SORCS3: variants seen among roughly 807,000 people sequenced by gnomAD.
The protein encoded by SORCS3 is VPS10 domain-containing receptor SorCS3.
In SORCS3, 57 loss-of-function variants were observed where a neutral mutation model predicts 146.3. That is an observed-to-expected ratio of 0.39 (90% CI 0.31 to 0.49). The LOEUF (loss-of-function observed/expected upper bound fraction) is 0.49. SORCS3 is among the 20% of genes least tolerant of loss of function. The pLI is 0.92. For synonymous variants in SORCS3, 653 were observed against 618.5 expected (o/e 1.06, Z -0.83); for missense variants, 1,341 against 1,575.5 (o/e 0.85, Z 2.52).
At chr10:105,255,662 C>A in intron 23 of SORCS3, 40 bp from the exon 24 acceptor site, 1 of 1,388,476 alleles carries the variant, frequency 7.2e-7, no homozygotes, top group Non-Finnish European at 1.0e-6. Flanking sequence ...AGCATCATTG[C>A]ATGTCATGTC....
At chr10:105,216,678 TC>T (rs528312637) in intron 18 of SORCS3, among the ~76,000 whole-genome samples, 190 of 152,222 alleles carry the variant, frequency 1.2e-3, no homozygotes, top group Non-Finnish European at 1.9e-3. Context: ...TTACAGAGGG[TC>T]TACCTTGCCC....
At chr10:104,903,190 G>A (rs2018870160) in intron 2 of SORCS3, among the ~76,000 whole-genome samples, 1 of 152,132 alleles carries the variant, frequency 6.6e-6, no homozygotes, top group African/African-American at 2.4e-5. Context: ...TATGTCAGAG[G>A]GTCATAGTGA....
intron 3 of SORCS3, among the ~76,000 whole-genome samples, chr10:104,966,542 G>A (rs1239293740): frequency 6.6e-6 from 1 of 152,080 alleles, no homozygotes; most frequent in African/African-American, 2.4e-5. Context: ...CTGAGAACGT[G>A]CCCAAAACAT....
chr10:104,849,715 C>T (rs2018253503), intron 2 of SORCS3, among the ~76,000 whole-genome samples: 1 of 152,150 alleles, frequency 6.6e-6, no homozygotes, highest in Non-Finnish European at 1.5e-5. Context: ...CAAAAGTTGT[C>T]AATGTAATCA....
At chr10:104,763,614 C>T (rs978447229) in intron 1 of SORCS3, among the ~76,000 whole-genome samples, 6 of 152,264 alleles carry the variant, frequency 3.9e-5, no homozygotes, top group Admixed American at 2.6e-4. Flanking sequence ...GCAGAACAGG[C>T]GTGGACTTCT....
intron 2 of SORCS3, among the ~76,000 whole-genome samples, chr10:104,849,257 C>T (rs1426865356): frequency 1.3e-5 from 2 of 151,576 alleles, no homozygotes; most frequent in South Asian, 2.1e-4. Flanking sequence ...CTAAAAAATA[C>T]AAAAATTAGC....
At chr10:105,158,734 A>G (rs548260628) in intron 10 of SORCS3, among the ~76,000 whole-genome samples, 158 bp from the exon 11 acceptor site, 2 of 152,302 alleles carry the variant, frequency 1.3e-5, no homozygotes, top group Admixed American at 6.5e-5. Context: ...CATACCAGCT[A>G]TCTCAGGTGC....
intron 25 of SORCS3, among the ~76,000 whole-genome samples, chr10:105,260,631 A>AT (rs34328166): frequency 6.6e-6 from 1 of 152,206 alleles, no homozygotes; most frequent in Non-Finnish European, 1.5e-5. Flanking sequence ...CTATTTTCAG[A>AT]TTTTTTCTTC....
chr10:104,816,963 A>G (rs1398017367), intron 1 of SORCS3, among the ~76,000 whole-genome samples: 1 of 152,176 alleles, frequency 6.6e-6, no homozygotes, highest in Admixed American at 6.5e-5. Context: ...CAGCCCGGGC[A>G]CCCAAGAATT....
At chr10:104,771,301 G>A (rs547261250) in intron 1 of SORCS3, among the ~76,000 whole-genome samples, 68 of 152,326 alleles carry the variant, frequency 4.5e-4, no homozygotes, top group African/African-American at 1.5e-3. Context: ...CCAGTTTCAA[G>A]ATTTTCTGTT....
chr10:104,670,287 T>C (rs2015835949), intron 1 of SORCS3, among the ~76,000 whole-genome samples: 1 of 152,168 alleles, frequency 6.6e-6, no homozygotes, highest in Non-Finnish European at 1.5e-5. Flanking sequence ...AGAAATCCAA[T>C]GTAGTGAAAC....
intron 11 of SORCS3, among the ~76,000 whole-genome samples, chr10:105,163,532 G>A (rs1478010394): frequency 6.6e-6 from 1 of 152,130 alleles, no homozygotes; most frequent in East Asian, 1.9e-4. Flanking sequence ...TGTGAGAAGA[G>A]GGCTGCTCAT....
At chr10:105,135,965 T>G (rs2056056384) in intron 7 of SORCS3, among the ~76,000 whole-genome samples, 1 of 152,320 alleles carries the variant, frequency 6.6e-6, no homozygotes, top group South Asian at 2.1e-4. Flanking sequence ...CTCACCAGAA[T>G]TGCCCTTAAT....
chr10:105,190,663 A>T (rs954702847), intron 14 of SORCS3, among the ~76,000 whole-genome samples: 2 of 152,098 alleles, frequency 1.3e-5, no homozygotes, highest in African/African-American at 4.8e-5. Context: ...CGGCCTCCCA[A>T]AGTGCTGGGA....
At chr10:104,977,730 C>CTTTTTTT (rs796233007) in intron 4 of SORCS3, among the ~76,000 whole-genome samples, 25 of 122,898 alleles carry the variant, frequency 2.0e-4, no homozygotes, top group African/African-American at 3.3e-4. Context: ...CTTTTCTTTT[C>CTTTTTTT]TTTTTTTTTT....
In SORCS3 at chr10:105,201,122, A is replaced by T. The variant is rs375060365; in HGVS notation, c.2130A>T (p.Gly710=). The change falls in exon 16 of 27, where the codon GGA becomes GGT. Residue 710 remains glycine, a splice_region_variant and synonymous_variant. Coordinates refer to ENST00000369701, the MANE Select transcript of SORCS3 (RefSeq NM_014978.3). ...DYQTWHLLNQ[G]EPCVMGERKI... is the part of the protein sequence containing the mutation. ...ACACTATGGAATTTCTCTCTAAGGGAGAGCCTTGTGTCATGGGAGAAAGGA... is the reference window on the plus strand; with the variant it reads ...ACACTATGGAATTTCTCTCTAAGGGTGAGCCTTGTGTCATGGGAGAAAGGA... 11 of 1,611,962 alleles carry T rather than the reference A, an allele frequency of 6.8e-6. No individual in the cohort carries two copies. The East Asian group carries it at 2.5e-4, about 36-fold the overall frequency.
intron 1 of SORCS3, among the ~76,000 whole-genome samples, chr10:104,651,941 T>A (rs2133239756): frequency 6.6e-6 from 1 of 152,234 alleles, no homozygotes; most frequent in Admixed American, 6.5e-5. Flanking sequence ...TGGTAGGAGT[T>A]GATGGATAAA....
At chr10:105,248,532 G>A (rs1374773966) in intron 22 of SORCS3, among the ~76,000 whole-genome samples, 3 of 152,054 alleles carry the variant, frequency 2.0e-5, no homozygotes, top group Non-Finnish European at 4.4e-5. Flanking sequence ...TGGCCAACAT[G>A]GTGAAACCCT....
intron 12 of SORCS3, among the ~76,000 whole-genome samples, chr10:105,165,943 C>G (rs2056309303): frequency 6.6e-6 from 1 of 152,104 alleles, no homozygotes; most frequent in Non-Finnish European, 1.5e-5. Context: ...GTGCCTCTTC[C>G]TATGTTCCTC....
Sources: allele counts gnomAD v4.1 joint callset (sites outside exome capture counted in the v4.1 genomes callset), GRCh38; gene constraint gnomAD v4.1.1; transcripts MANE v1.5; gene names NCBI Gene and HGNC (gene_info 2026-07-23, HGNC 2026-07-21).